The following SLC24A4 variants were observed in gnomAD, a reference collection of about 807,000 sequenced individuals.
SLC24A4 encodes solute carrier family 24 member 4.
A neutral mutation model predicts 79.0 loss-of-function variants in SLC24A4; 53 were observed. The observed-to-expected ratio is 0.67, with a 90% CI of 0.54 to 0.84. The LOEUF is 0.84. Ranked by LOEUF, SLC24A4 falls within the 40% of genes least tolerant of loss-of-function variation. SLC24A4 has a pLI of 0.00. For missense variants in SLC24A4, 731 were observed against 822.0 expected (o/e 0.89, Z 1.35); for synonymous variants, 323 against 323.8 (o/e 1.00, Z 0.03).
intron 2 of SLC24A4, among the ~76,000 whole-genome samples, chr14:92,354,381 G>A (rs1762368013): frequency 6.6e-6 from 1 of 151,956 alleles, no homozygotes; most frequent in Non-Finnish European, 1.5e-5. Flanking sequence ...TTGATCTCCT[G>A]ACCTCGTGAT....
At chr14:92,369,507 C>T (rs1176340020) in intron 2 of SLC24A4, among the ~76,000 whole-genome samples, 1 of 152,108 alleles carries the variant, frequency 6.6e-6, no homozygotes, top group Non-Finnish European at 1.5e-5. Context: ...ACAGGACCAC[C>T]AAATGTAATG....
In SLC24A4 at chr14:92,400,307, C is replaced by T. The variant is rs1343168342; in HGVS notation, c.242-33605C>T. On this transcript the variant is annotated intron_variant, in intron 2 of 16. Coordinates refer to ENST00000532405, the MANE Select transcript of SLC24A4 (RefSeq NM_153646.4). ...TACAAAAACTAGCTGGGCATGGTGGCATGCGCCTGTAGTCCCAGCTACTCG... is the reference window on the plus strand; with the variant it reads ...TACAAAAACTAGCTGGGCATGGTGGTATGCGCCTGTAGTCCCAGCTACTCG... Among the ~76,000 whole-genome samples the T allele has an allele frequency of 5.3e-5, 8 of 152,076 alleles. No homozygotes were observed. In the South Asian group the frequency reaches 1.5e-3, roughly 28 times the overall value.
At chr14:92,388,059 T>C (rs1889263620) in intron 2 of SLC24A4, among the ~76,000 whole-genome samples, 1 of 152,144 alleles carries the variant, frequency 6.6e-6, no homozygotes, top group African/African-American at 2.4e-5. Flanking sequence ...GGGCATATGC[T>C]GAGAAATAAA....
At chr14:92,343,147 C>T (rs1291139519) in intron 2 of SLC24A4, among the ~76,000 whole-genome samples, 11 of 152,196 alleles carry the variant, frequency 7.2e-5, no homozygotes, top group Admixed American at 6.5e-4. Context: ...TTATATATGA[C>T]AATGTCAATA....
intron 2 of SLC24A4, among the ~76,000 whole-genome samples, chr14:92,370,122 T>C (rs888621851): frequency 5.9e-5 from 9 of 152,200 alleles, no homozygotes; most frequent in African/African-American, 2.2e-4. Flanking sequence ...AAGTTGATAC[T>C]AAAAAATTGT....
chr14:92,357,160 A>T (rs546552215), intron 2 of SLC24A4, among the ~76,000 whole-genome samples: 24 of 152,302 alleles, frequency 1.6e-4, no homozygotes, highest in African/African-American at 5.3e-4. Flanking sequence ...TTGATGTTTC[A>T]TTCTTCCTTG....
At chr14:92,447,262 C>A (rs144885768) in intron 8 of SLC24A4, 109 bp from the exon 9 acceptor site, 2 of 924,296 alleles carry the variant, frequency 2.2e-6, no homozygotes, top group African/African-American at 1.6e-5. Flanking sequence ...GCACTAGGGG[C>A]GGGGGAGGTA....
intron 2 of SLC24A4, among the ~76,000 whole-genome samples, chr14:92,406,553 G>A (rs1890390694): frequency 6.6e-6 from 1 of 152,180 alleles, no homozygotes; most frequent in South Asian, 2.1e-4. Flanking sequence ...ATCTAGCGGA[G>A]GCTCCAAAAT....
rs1595374524 is a variant in SLC24A4 at position 92,499,329 on chromosome 14, G to T, written c.*5701G>T. 1 of 152,150 alleles carries T rather than the reference G, an allele frequency of 6.6e-6. No individual in the cohort carries two copies. The highest frequency in any genetic ancestry group is 1.9e-4 in the East Asian group (1 of 5,198). The allele number at this position is 152,150 out of a possible 1,614,324, so 9.4% of individuals were successfully genotyped here. The stretch of plus-strand genomic sequence containing the variant: ...GGGATACCCTGGTACCAGGATTTGA[G>T]GGCCACGGGTGGCATCTCTGAGAGC... On this transcript the variant is annotated 3_prime_UTR_variant, in exon 17 of 17. Transcript: ENST00000532405.
chr14:92,453,160 C>G (rs7149030), intron 10 of SLC24A4: 51,555 of 152,078 alleles, frequency 0.34, 8,981 homozygotes, highest in African/African-American at 0.39. Flanking sequence ...TTTTGTTCCT[C>G]CCCATTGTGA....
intron 2 of SLC24A4, among the ~76,000 whole-genome samples, chr14:92,421,773 G>C (rs10142101): frequency 0.41 from 62,208 of 151,902 alleles, 13,018 homozygotes; most frequent in Non-Finnish European, 0.44. Flanking sequence ...TCCCAAAGTG[G>C]TAGAATTACA....
At chr14:92,327,996 T>C (rs955892708) in intron 2 of SLC24A4, among the ~76,000 whole-genome samples, 5 of 152,260 alleles carry the variant, frequency 3.3e-5, no homozygotes, top group African/African-American at 1.2e-4. Context: ...TCTCACATTT[T>C]AATCCTTATC....
rs1241114232 is a variant in SLC24A4 at position 92,494,981 on chromosome 14, G to C, written c.*1353G>C. On this transcript the variant is annotated 3_prime_UTR_variant, in exon 17 of 17. Transcript: ENST00000532405. The surrounding 1 kb of genome is among the most constrained non-coding windows in gnomAD (Gnocchi z 4.6). The stretch of plus-strand genomic sequence containing the variant: ...GAAAGCACAATTAATTTTATAGAGA[G>C]GTTTTTTATTTTTTTAATATTTCTA... 6.6e-6 allele frequency: 1 copy of C among 152,410 alleles called. No individual in the cohort carries two copies. Among genetic ancestry groups the C allele is most frequent in the African/African-American group, 2.4e-5 (1 of 41,384 alleles). 9.4% of individuals were successfully genotyped at this position (152,410 alleles called of 1,614,324 possible). A position where few individuals can be genotyped will look rare whatever the true frequency, so the allele number is the denominator to read the frequency against.
intron 8 of SLC24A4, among the ~76,000 whole-genome samples, chr14:92,446,544 C>T (rs1892807858): frequency 6.6e-6 from 1 of 152,218 alleles, no homozygotes; most frequent in Admixed American, 6.5e-5. Context: ...TGGTCCTCTC[C>T]TGGCCCCCAA....
intron 1 of SLC24A4, among the ~76,000 whole-genome samples, chr14:92,325,518 C>A (rs1279274176): frequency 6.6e-6 from 1 of 152,224 alleles, no homozygotes; most frequent in African/African-American, 2.4e-5. Flanking sequence ...CGTGAAGTTC[C>A]TCCAGGGCAG....
At chr14:92,440,701 C>G (rs1892443290) in intron 4 of SLC24A4, among the ~76,000 whole-genome samples, 2 of 151,568 alleles carry the variant, frequency 1.3e-5, no homozygotes, top group South Asian at 2.1e-4. Context: ...TAGGTAAGAC[C>G]AATGTCAAGG....
chr14:92,401,527 G>A (rs1427873498), intron 2 of SLC24A4, among the ~76,000 whole-genome samples: 1 of 152,138 alleles, frequency 6.6e-6, no homozygotes, highest in African/African-American at 2.4e-5. Context: ...GGACTTAGAA[G>A]GAACCCTCCA....
chr14:92,447,216 G>A (rs1266394360), intron 8 of SLC24A4, among the ~76,000 whole-genome samples, 155 bp from the exon 9 acceptor site: 1 of 152,174 alleles, frequency 6.6e-6, no homozygotes, highest in African/African-American at 2.4e-5. Context: ...GCCACAGGCT[G>A]GGGGATCTCT....
At chr14:92,340,344 C>G (rs1381277147) in intron 2 of SLC24A4, among the ~76,000 whole-genome samples, 1 of 152,218 alleles carries the variant, frequency 6.6e-6, no homozygotes, top group Non-Finnish European at 1.5e-5. Flanking sequence ...ACTCACATGC[C>G]CGGCATGGCT....
Sources: allele counts gnomAD v4.1 joint callset (sites outside exome capture counted in the v4.1 genomes callset), GRCh38; gene constraint gnomAD v4.1.1; non-coding constraint Gnocchi (gnomAD v3.1); transcripts MANE v1.5; gene names NCBI Gene and HGNC (gene_info 2026-07-23, HGNC 2026-07-21).